C20orf203: variants seen among roughly 807,000 people sequenced by gnomAD.
The protein encoded by C20orf203 is uncharacterized protein C20orf203.
C20orf203 carries 16 observed loss-of-function variants against 15.9 expected under a neutral mutation model. The observed-to-expected ratio is 1.01, with a 90% CI of 0.68 to 1.53. The LOEUF is 1.53. Ranked by LOEUF, C20orf203 falls within the 40% of genes most tolerant of loss-of-function variation. C20orf203 has a pLI of 0.00. For missense variants in C20orf203, 263 were observed against 247.5 expected, an observed-to-expected ratio of 1.06 and a Z score of -0.42; for synonymous variants, 98 against 97.2, an observed-to-expected ratio of 1.01 and a Z score of -0.05.
At chr20:32,639,047 G>A (rs979859647) in intron 5 of C20orf203, among the ~76,000 whole-genome samples, 3 of 152,230 alleles carry the variant, frequency 2.0e-5, no homozygotes, top group Non-Finnish European at 4.4e-5. Context: ...GAGGGTACAA[G>A]CCCCAACTAT....
rs1568750022 is a variant in C20orf203 at position 32,650,660 on chromosome 20, A to G, written c.357T>C (p.Asp119=). 11 of 1,546,866 alleles carry G rather than the reference A, an allele frequency of 7.1e-6. No homozygotes were observed. The South Asian group carries it at 7.2e-5, about 10-fold the overall frequency. ...CCCGCAGCCCCCTCCCCACTTCCCT[A>G]TCTCTCCGACCCACCTTGCTGAGCC... The part of the protein sequence containing the change: ...GLRLSKVGRR[D]REVGRGLRAP... The change falls in exon 4 of 6, where the codon GAT becomes GAC. Residue 119 remains aspartate (D), a synonymous_variant. Coordinates refer to ENST00000608990, the MANE Select transcript of C20orf203 (RefSeq NM_182584.4).
intron 4 of C20orf203, among the ~76,000 whole-genome samples, chr20:32,647,238 T>C (rs1465007627): frequency 6.6e-6 from 1 of 151,500 alleles, no homozygotes; most frequent in Non-Finnish European, 1.5e-5. Flanking sequence ...CTACTAAAAA[T>C]ACAAAAATTA....
intron 1 of C20orf203, among the ~76,000 whole-genome samples, chr20:32,668,400 T>C (rs767260969): frequency 1.1e-4 from 16 of 151,480 alleles, no homozygotes; most frequent in Non-Finnish European, 2.4e-4. Context: ...CCGAGGCGGG[T>C]GGATCATTTG....
chr20:32,666,938 C>T (rs1024166750), intron 1 of C20orf203, among the ~76,000 whole-genome samples: 9 of 149,930 alleles, frequency 6.0e-5, no homozygotes, highest in African/African-American at 2.2e-4. Flanking sequence ...CATGAGCCAC[C>T]ACGTACAATT....
intron 1 of C20orf203, among the ~76,000 whole-genome samples, chr20:32,665,034 G>A (rs762401549): frequency 3.9e-5 from 6 of 152,214 alleles, no homozygotes; most frequent in Admixed American, 2.6e-4. Flanking sequence ...GCCCTTGGTG[G>A]CCACTGGGTG....
At position 32,649,822 on chromosome 20, in the gene C20orf203, C is replaced by T. The variant is rs1982553091; in HGVS notation, c.*610G>A. ...GAAGGGGGCTGGTTCGGCCCCGGAC[C>T]ATGGGCTCCCGCCAGTGCTCCCAAT... On this transcript the variant is annotated 3_prime_UTR_variant, in exon 4 of 6. Coordinates refer to ENST00000608990, the MANE Select transcript of C20orf203 (RefSeq NM_182584.4). 2 of 153,068 alleles carry T rather than the reference C, an allele frequency of 1.3e-5. No individual in the cohort carries two copies. The highest frequency in any genetic ancestry group is 1.3e-4 in the Admixed American group (2 of 15,422). 9.5% of individuals were successfully genotyped at this position (153,068 alleles called of 1,614,324 possible). A position where few individuals can be genotyped will look rare whatever the true frequency, so the allele number is the denominator to read the frequency against.
At chr20:32,662,146 G>A (rs932357713) in intron 1 of C20orf203, among the ~76,000 whole-genome samples, 4 of 152,218 alleles carry the variant, frequency 2.6e-5, no homozygotes, top group African/African-American at 4.8e-5. Context: ...GGAGCAGCAC[G>A]AGCCAGGGGC....
Position 32,651,165 on chromosome 20 carries a change from CTCT to C in C20orf203, c.-14-2_-14del. On this transcript the variant is annotated splice_acceptor_variant and 5_prime_UTR_variant, in exon 3 of 6. Transcript: ENST00000608990. LOFTEE classifies it low-confidence loss of function (5UTR_SPLICE). ...GCCTAGGAAACATAGGAGACCCTCTCTCTAAAAAAAAAAAAAAAAAAAAAAAAA... is the reference window on the plus strand; with the variant it reads ...GCCTAGGAAACATAGGAGACCCTCTCAAAAAAAAAAAAAAAAAAAAAAAAA... The C allele has an allele frequency of 2.5e-6, 1 of 393,694 alleles. No individual in the cohort carries two copies. Among genetic ancestry groups the C allele is most frequent in the Non-Finnish European group, 4.2e-6 (1 of 235,744 alleles). 24.4% of individuals were successfully genotyped at this position (393,694 alleles called of 1,614,324 possible). A position where few individuals can be genotyped will look rare whatever the true frequency, so the allele number is the denominator to read the frequency against.
intron 4 of C20orf203, among the ~76,000 whole-genome samples, chr20:32,648,428 C>CT (rs56838832): frequency 0.015 from 1,203 of 80,382 alleles, 240 homozygotes; most frequent in Admixed American, 0.032. Flanking sequence ...CTGAAACTGT[C>CT]TTTTTTTTTT....
chr20:32,665,781 T>C (rs1269164940), intron 1 of C20orf203, among the ~76,000 whole-genome samples: 1 of 151,966 alleles, frequency 6.6e-6, no homozygotes, highest in Non-Finnish European at 1.5e-5. Context: ...CTGGCCAAGA[T>C]GGTGAAATCC....
Position 32,650,273 on chromosome 20 carries a change from C to A in C20orf203, c.*159G>T. ...ATGCCTTGAATACAAGCGCCGGTGC[C>A]CAGAATCTCCTTGAGGTTTCAGCTG... On this transcript the variant is annotated 3_prime_UTR_variant, in exon 4 of 6. Transcript: ENST00000608990. The A allele has an allele frequency of 1.6e-6, 1 of 619,846 alleles. No individual in the cohort carries two copies. The highest frequency in any genetic ancestry group is 2.8e-5 in the East Asian group (1 of 36,304). The allele number at this position is 619,846 out of a possible 1,614,324, so 38.4% of individuals were successfully genotyped here. A position where few individuals can be genotyped will look rare whatever the true frequency, so the allele number is the denominator to read the frequency against.
intron 1 of C20orf203, among the ~76,000 whole-genome samples, chr20:32,653,855 G>A (rs912182143): frequency 6.6e-6 from 1 of 152,154 alleles, no homozygotes; most frequent in African/African-American, 2.4e-5. Flanking sequence ...CACTTTGGGA[G>A]GCCAAGGCAG....
chr20:32,635,045 C>T (rs1319864102), intron 5 of C20orf203, among the ~76,000 whole-genome samples: 1 of 151,832 alleles, frequency 6.6e-6, no homozygotes, highest in Non-Finnish European at 1.5e-5. Context: ...ACCAAAAATA[C>T]AAAAATTAGC....
intron 1 of C20orf203, among the ~76,000 whole-genome samples, chr20:32,654,474 C>A (rs1383123277): frequency 3.3e-5 from 5 of 152,170 alleles, no homozygotes; most frequent in African/African-American, 1.2e-4. Flanking sequence ...TGGTTCTTTA[C>A]AGAAATTGAC....
chr20:32,647,762 G>A (rs1193915253), intron 4 of C20orf203, among the ~76,000 whole-genome samples: 2 of 152,122 alleles, frequency 1.3e-5, no homozygotes, highest in African/African-American at 2.4e-5. Flanking sequence ...TTCCCCACCC[G>A]GAGTTGAAAG....
At chr20:32,646,407 T>A (rs905716097) in intron 4 of C20orf203, among the ~76,000 whole-genome samples, 4 of 152,124 alleles carry the variant, frequency 2.6e-5, no homozygotes, top group African/African-American at 9.7e-5. Context: ...GGTTTCACCA[T>A]GTTGCCCAGG....
chr20:32,661,160 C>T (rs915264722), intron 1 of C20orf203, among the ~76,000 whole-genome samples: 3 of 152,206 alleles, frequency 2.0e-5, no homozygotes, highest in African/African-American at 7.2e-5. Flanking sequence ...CCAGCTCTGA[C>T]TCTCTCAGGA....
intron 1 of C20orf203, among the ~76,000 whole-genome samples, chr20:32,663,132 T>G (rs1419854443): frequency 6.6e-6 from 1 of 151,878 alleles, no homozygotes; most frequent in African/African-American, 2.4e-5. Flanking sequence ...GTATTTGTAG[T>G]AGAGACGGGG....
Position 32,632,090 on chromosome 20 carries a change from C to A in C20orf203, c.*3480G>T, listed in dbSNP as rs1405420728. ...AGAAGGGAGCCAGTGACCTCTAGGA[C>A]CCCCAGGGCTTAGGCAGGATGCCGC... On this transcript the variant is annotated 3_prime_UTR_variant, in exon 6 of 6. Transcript: ENST00000608990. The A allele has an allele frequency of 6.6e-6, 1 of 152,246 alleles. No individual in the cohort carries two copies. Among genetic ancestry groups the A allele is most frequent in the Admixed American group, 6.5e-5 (1 of 15,278 alleles). 9.4% of individuals were successfully genotyped at this position (152,246 alleles called of 1,614,324 possible). A position where few individuals can be genotyped will look rare whatever the true frequency, so the allele number is the denominator to read the frequency against.
Sources: allele counts gnomAD v4.1 joint callset (sites outside exome capture counted in the v4.1 genomes callset), GRCh38; gene constraint gnomAD v4.1.1; transcripts MANE v1.5; gene names NCBI Gene and HGNC (gene_info 2026-07-23, HGNC 2026-07-21).